Variants in CDK19 observed in about 807,000 individuals in gnomAD.
CDK19 encodes cyclin-dependent kinase 19.
Under a neutral mutation model 68.3 loss-of-function variants are expected in CDK19, and 20 were observed. That is an observed-to-expected ratio of 0.29 (90% CI 0.21 to 0.43). CDK19 has a LOEUF of 0.43. CDK19 is among the 20% of genes least tolerant of loss of function. The pLI, the probability that CDK19 is intolerant of heterozygous loss-of-function variation, is 1.00. For synonymous variants in CDK19, 221 were observed against 222.8 expected, an observed-to-expected ratio of 0.99 and a Z score of 0.07; for missense variants, 339 against 623.5, an observed-to-expected ratio of 0.54 and a Z score of 4.86.
At chr6:110,692,368 C>T (rs1281198196) in intron 2 of CDK19, among the ~76,000 whole-genome samples, 2 of 150,798 alleles carry the variant, frequency 1.3e-5, no homozygotes, top group Non-Finnish European at 2.9e-5. Flanking sequence ...TAACAATAGA[C>T]TAGAACAAGT....
intron 12 of CDK19, among the ~76,000 whole-genome samples, chr6:110,615,817 T>C (rs1219609129): frequency 2.0e-5 from 3 of 152,226 alleles, no homozygotes; most frequent in East Asian, 3.8e-4. Flanking sequence ...TGGAGGTCAA[T>C]TGGCTACTCC....
At chr6:110,795,900 C>A (rs1367423649) in intron 1 of CDK19, among the ~76,000 whole-genome samples, 1 of 152,126 alleles carries the variant, frequency 6.6e-6, no homozygotes, top group African/African-American at 2.4e-5. Flanking sequence ...GGATCTTAAA[C>A]TCATTCACAG....
intron 1 of CDK19, among the ~76,000 whole-genome samples, chr6:110,812,402 G>A (rs1783175315): frequency 6.6e-6 from 1 of 152,156 alleles, no homozygotes; most frequent in Non-Finnish European, 1.5e-5. Flanking sequence ...GATTACAGGC[G>A]TGAGCCACCG....
intron 4 of CDK19, among the ~76,000 whole-genome samples, chr6:110,641,666 G>T (rs942574343): frequency 6.6e-6 from 1 of 150,422 alleles, no homozygotes; most frequent in East Asian, 1.9e-4. Flanking sequence ...AGGAAGGAAG[G>T]AAGGAAGGAA....
chr6:110,807,305 A>C (rs1782745286), intron 1 of CDK19, among the ~76,000 whole-genome samples: 1 of 152,194 alleles, frequency 6.6e-6, no homozygotes, highest in Non-Finnish European at 1.5e-5. Context: ...AGTGTGCAGC[A>C]CACTAGCATG....
intron 4 of CDK19, among the ~76,000 whole-genome samples, chr6:110,664,864 G>A (rs991892498): frequency 2.6e-5 from 4 of 152,282 alleles, no homozygotes; most frequent in African/African-American, 9.6e-5. Flanking sequence ...ATTTGTGTTG[G>A]GCCCTGAAAG....
At chr6:110,713,331 C>A (rs1775100685) in intron 2 of CDK19, among the ~76,000 whole-genome samples, 1 of 151,160 alleles carries the variant, frequency 6.6e-6, no homozygotes, top group African/African-American at 2.4e-5. Context: ...CCTGTGGAGG[C>A]TGAGGCAGGA....
chr6:110,797,592 ACAAACAAAGACATTCTTCC>A (rs1322339761), intron 1 of CDK19, among the ~76,000 whole-genome samples: 2 of 152,238 alleles, frequency 1.3e-5, no homozygotes, highest in Non-Finnish European at 2.9e-5. Flanking sequence ...AGCAATGAAA[ACAAACAAAGACATTCTTCC>A]CACTTCTTGG....
intron 2 of CDK19, among the ~76,000 whole-genome samples, chr6:110,694,316 C>T (rs1242285488): frequency 7.0e-6 from 1 of 143,756 alleles, no homozygotes; most frequent in East Asian, 2.0e-4. Flanking sequence ...CAAAAGGAAA[C>T]TATGTTTCCA....
intron 2 of CDK19, among the ~76,000 whole-genome samples, chr6:110,682,897 C>T (rs1286693333): frequency 6.6e-6 from 1 of 152,018 alleles, no homozygotes; most frequent in African/African-American, 2.4e-5. Context: ...CACAGTGGGC[C>T]AGGCACGGTG....
At chr6:110,674,376 G>A (rs567079063) in intron 2 of CDK19, among the ~76,000 whole-genome samples, 1 of 152,288 alleles carries the variant, frequency 6.6e-6, no homozygotes, top group East Asian at 1.9e-4. Context: ...TAAATCAAAA[G>A]CTAGAATGAT....
intron 2 of CDK19, among the ~76,000 whole-genome samples, chr6:110,718,250 CAGGAGG>C (rs2114726060): frequency 6.6e-6 from 1 of 152,198 alleles, no homozygotes; most frequent in South Asian, 2.1e-4. Flanking sequence ...GTATAAAGCC[CAGGAGG>C]ATTTGAAATT....
At chr6:110,617,662 T>TATACACACACACACAC (rs755618032) in intron 12 of CDK19, among the ~76,000 whole-genome samples, 12 of 107,158 alleles carry the variant, frequency 1.1e-4, no homozygotes, top group Non-Finnish European at 2.0e-4. Context: ...TATATATATA[T>TATACACACACACACAC]ACACACACAC....
intron 2 of CDK19, among the ~76,000 whole-genome samples, chr6:110,678,930 T>C (rs1215511721): frequency 6.6e-6 from 1 of 152,200 alleles, no homozygotes; most frequent in Non-Finnish European, 1.5e-5. Flanking sequence ...TGCATATCCA[T>C]TTCAATATTC....
intron 2 of CDK19, among the ~76,000 whole-genome samples, chr6:110,673,458 T>C (rs189348044): frequency 6.6e-6 from 1 of 152,112 alleles, no homozygotes; most frequent in South Asian, 2.1e-4. Flanking sequence ...TTTGTATATA[T>C]ACCCAGAAGT....
chr6:110,743,371 G>A (rs939253621), intron 2 of CDK19, among the ~76,000 whole-genome samples: 1 of 152,186 alleles, frequency 6.6e-6, no homozygotes, highest in Non-Finnish European at 1.5e-5. Context: ...GCTGAGAGTG[G>A]TGACTCATGC....
chr6:110,638,512 AT>A, intron 5 of CDK19, 136 bp downstream of exon 5: 1 of 609,806 alleles, frequency 1.6e-6, no homozygotes. Context: ...ATCTATCTAC[AT>A]TTTCCAATAT....
chr6:110,664,880 T>C (rs529450114), intron 4 of CDK19, among the ~76,000 whole-genome samples: 142 of 152,260 alleles, frequency 9.3e-4, no homozygotes, highest in South Asian at 2.7e-3. Context: ...GAAAGACAGA[T>C]AGTATTTGAA....
chr6:110,667,635 C>T (rs532158456), intron 3 of CDK19, 61 bp from the exon 4 acceptor site: 55 of 843,402 alleles, frequency 6.5e-5, no homozygotes, highest in East Asian at 9.0e-5. Context: ...CAATAAAACA[C>T]AATCAATGCT....
Sources: gnomAD v4.1 joint callset for allele counts (sites outside exome capture counted in the v4.1 genomes callset) on GRCh38, gnomAD v4.1.1 for gene constraint, MANE v1.5 for transcripts, NCBI Gene and HGNC (gene_info 2026-07-23, HGNC 2026-07-21) for gene names.